The following ADARB2 variants were observed in gnomAD, a reference collection of about 807,000 sequenced individuals.
ADARB2 encodes the protein adenosine deaminase RNA specific B2 (inactive).
Under a neutral mutation model 62.2 loss-of-function variants are expected in ADARB2, and 25 were observed. The observed-to-expected ratio is 0.40, with a 90% confidence interval of 0.29 to 0.56. The LOEUF (loss-of-function observed/expected upper bound fraction) is 0.56. Ranked by LOEUF, ADARB2 falls within the 20% of genes least tolerant of loss-of-function variation. The pLI is 0.43. For synonymous variants in ADARB2, 572 were observed against 500.8 expected (o/e 1.14, Z -1.90); for missense variants, 1,071 against 1,077.4 (o/e 0.99, Z 0.08).
At chr10:1,624,428 C>T (rs1833742552) in intron 1 of ADARB2, among the ~76,000 whole-genome samples, 1 of 152,176 alleles carries the variant, frequency 6.6e-6, no homozygotes, top group African/African-American at 2.4e-5. Context: ...CGAGCACAGC[C>T]CCACAGCTGG....
chr10:1,663,916 C>T (rs1344808315), intron 1 of ADARB2, among the ~76,000 whole-genome samples: 1 of 152,180 alleles, frequency 6.6e-6, no homozygotes, highest in African/African-American at 2.4e-5. Context: ...CCACGCCTGG[C>T]CAGGTCATTT....
chr10:1,212,629 A>T (rs12775916), intron 7 of ADARB2, among the ~76,000 whole-genome samples: 2 of 146,594 alleles, frequency 1.4e-5, no homozygotes, highest in African/African-American at 5.1e-5. Flanking sequence ...GCACCCTGCA[A>T]CCAAGTGTCC....
At chr10:1,626,121 C>A (rs1221753590) in intron 1 of ADARB2, among the ~76,000 whole-genome samples, 1 of 142,004 alleles carries the variant, frequency 7.0e-6, no homozygotes, top group Non-Finnish European at 1.5e-5. Flanking sequence ...CAGACACTAA[C>A]CCCACGTCTG....
chr10:1,242,792 A>G (rs559124477), intron 4 of ADARB2, among the ~76,000 whole-genome samples: 3,884 of 152,114 alleles, frequency 0.026, 61 homozygotes, highest in Middle Eastern at 0.048. Flanking sequence ...GAGCTGATGA[A>G]CCTGTCATAC....
intron 1 of ADARB2, among the ~76,000 whole-genome samples, chr10:1,537,145 C>T (rs1034319755): frequency 3.3e-5 from 5 of 152,088 alleles, no homozygotes; most frequent in Admixed American, 6.6e-5. Context: ...GTCAAAAAGT[C>T]GGCCAAGGAT....
At chr10:1,519,172 G>A (rs995146692) in intron 1 of ADARB2, among the ~76,000 whole-genome samples, 1 of 148,750 alleles carries the variant, frequency 6.7e-6, no homozygotes, top group African/African-American at 2.5e-5. Flanking sequence ...TCCTTATAAC[G>A]TCTGCATGTG....
intron 1 of ADARB2, among the ~76,000 whole-genome samples, chr10:1,529,219 G>A (rs530222083): frequency 1.4e-4 from 19 of 138,868 alleles, no homozygotes; most frequent in African/African-American, 3.9e-4. Context: ...ATCAGTCCAC[G>A]CACCATCCCC....
chr10:1,640,082 G>T (rs190333657), intron 1 of ADARB2, among the ~76,000 whole-genome samples: 2 of 152,144 alleles, frequency 1.3e-5, no homozygotes, highest in African/African-American at 4.8e-5. Context: ...GGAGCATGGC[G>T]GCTATACTTA....
chr10:1,596,043 C>A (rs1473629001), intron 1 of ADARB2, among the ~76,000 whole-genome samples: 1 of 152,250 alleles, frequency 6.6e-6, no homozygotes. Context: ...CCCTTCATGA[C>A]TTGTTCACAG....
At chr10:1,528,486 A>G (rs1417368610) in intron 1 of ADARB2, among the ~76,000 whole-genome samples, 5 of 152,198 alleles carry the variant, frequency 3.3e-5, no homozygotes, top group Admixed American at 3.3e-4. Context: ...GCTGATGATA[A>G]TGGTGTGAGG....
chr10:1,412,204 T>C (rs1387730415), intron 1 of ADARB2, among the ~76,000 whole-genome samples: 3 of 152,272 alleles, frequency 2.0e-5, no homozygotes, highest in African/African-American at 7.2e-5. Flanking sequence ...TGCTGCATCC[T>C]GCGAGCCCGG....
intron 1 of ADARB2, among the ~76,000 whole-genome samples, chr10:1,610,769 CAT>C (rs900805824): frequency 8.3e-5 from 12 of 144,120 alleles, no homozygotes; most frequent in East Asian, 6.1e-4. Context: ...CACACACACA[CAT>C]GCACAGACAC....
rs1588271974 is a variant in ADARB2 at position 1,477,678 on chromosome 10, G to A, written c.101-98518C>T. ...ACCAACATGAAGCGTCAGCCTGTGC[G>A]CCTCTTTCCAGACGATAGGCGGGGT... is the stretch of plus-strand genomic sequence containing the variant. On this transcript the variant is annotated intron_variant, in intron 1 of 9. Transcript: ENST00000381312. The surrounding 1 kb of genome is among the most constrained non-coding windows in gnomAD (Gnocchi z 4.5). Among the ~76,000 whole-genome samples the A allele has an allele frequency of 2.0e-5, 3 of 152,308 alleles. No homozygotes were observed. Among genetic ancestry groups the A allele is most frequent in the East Asian group, 1.9e-4 (1 of 5,178 alleles).
chr10:1,434,690 C>G (rs1240530462), intron 1 of ADARB2, among the ~76,000 whole-genome samples: 4 of 152,188 alleles, frequency 2.6e-5, no homozygotes, highest in African/African-American at 4.8e-5. Flanking sequence ...CACCCCGGCA[C>G]CTGGACCATT....
intron 5 of ADARB2, 123 bp from the exon 6 acceptor site, chr10:1,233,968 T>TTG: frequency 1.2e-6 from 1 of 860,030 alleles, no homozygotes; most frequent in Non-Finnish European, 1.5e-6. Flanking sequence ...TATTTTTCCT[T>TTG]TTTTTTTTCC....
chr10:1,284,773 A>AT, intron 3 of ADARB2, among the ~76,000 whole-genome samples: 1 of 152,286 alleles, frequency 6.6e-6, no homozygotes, highest in Middle Eastern at 3.4e-3. Flanking sequence ...CTCGGAAAAC[A>AT]AATCCAACCA....
At chr10:1,675,477 G>C in intron 1 of ADARB2, 2 of 975,062 alleles carry the variant, frequency 2.1e-6, no homozygotes, top group Non-Finnish European at 2.4e-6. Context: ...GTTTGGGTTT[G>C]GGGGTACATG....
At chr10:1,221,161 A>AAG (rs1830692006) in intron 6 of ADARB2, among the ~76,000 whole-genome samples, 1 of 152,188 alleles carries the variant, frequency 6.6e-6, no homozygotes, top group African/African-American at 2.4e-5. Context: ...CTGGCCATAA[A>AAG]TGATCTGTAG....
intron 3 of ADARB2, among the ~76,000 whole-genome samples, chr10:1,293,976 G>A (rs1331782338): frequency 2.0e-5 from 3 of 151,972 alleles, no homozygotes; most frequent in Non-Finnish European, 4.4e-5. Flanking sequence ...TTGCAGGGGG[G>A]CGGGGGCATG....
Sources: gnomAD v4.1 joint callset for allele counts (sites outside exome capture counted in the v4.1 genomes callset) on GRCh38, gnomAD v4.1.1 for gene constraint, Gnocchi (gnomAD v3.1) non-coding constraint, MANE v1.5 for transcripts, NCBI Gene and HGNC (gene_info 2026-07-23, HGNC 2026-07-21) for gene names.